ZNF536: variants seen among roughly 807,000 people sequenced by gnomAD.
The protein encoded by ZNF536 is zinc finger protein 536.
In ZNF536, 13 loss-of-function variants were observed where a neutral mutation model predicts 84.5. That is an observed-to-expected ratio of 0.15 (90% confidence interval 0.10 to 0.24). ZNF536 has a LOEUF of 0.24. Among genes scored for constraint, ZNF536 ranks in the 10% least tolerant of loss-of-function variants. The pLI is 1.00. For missense variants in ZNF536, 1,536 were observed against 1,747.5 expected, an observed-to-expected ratio of 0.88 and a Z score of 2.16; for synonymous variants, 811 against 742.5, an observed-to-expected ratio of 1.09 and a Z score of -1.50.
At chr19:30,560,769 T>A (rs1422979358), downstream of ZNF536, among the ~76,000 whole-genome samples, 1 of 152,232 alleles carries the variant, frequency 6.6e-6, no homozygotes, top group Non-Finnish European at 1.5e-5. Flanking sequence ...AGAAAAAGAA[T>A]CTAAATGTTG....
chr19:30,562,412 G>C (rs2046203906), downstream of ZNF536, among the ~76,000 whole-genome samples: 1 of 152,188 alleles, frequency 6.6e-6, no homozygotes, highest in Non-Finnish European at 1.5e-5. Context: ...TAAATTAGAA[G>C]AAGACCATTG....
intron 2 of ZNF536, among the ~76,000 whole-genome samples, chr19:30,488,986 G>C (rs1244982384): frequency 6.6e-6 from 1 of 152,158 alleles, no homozygotes; most frequent in Non-Finnish European, 1.5e-5. Context: ...GAGGTTTCTT[G>C]ACAAATAGAT....
intron 1 of ZNF536, among the ~76,000 whole-genome samples, chr19:30,379,538 C>A (rs1419721466): frequency 1.3e-5 from 2 of 151,010 alleles, no homozygotes; most frequent in African/African-American, 2.4e-5. Flanking sequence ...ATCATCGTTG[C>A]CAGGAGATCT....
intron 1 of ZNF536, among the ~76,000 whole-genome samples, chr19:30,431,478 C>T (rs141317951): frequency 1.3e-3 from 198 of 152,316 alleles, no homozygotes; most frequent in African/African-American, 4.7e-3. Context: ...GAGCTTATGT[C>T]TTCGACAGGT....
chr19:30,377,461 G>A (rs1381651278), intron 1 of ZNF536, among the ~76,000 whole-genome samples: 1 of 152,166 alleles, frequency 6.6e-6, no homozygotes, highest in Non-Finnish European at 1.5e-5. Flanking sequence ...TTCAGGGCGA[G>A]TCCGCAGTTC....
intron 1 of ZNF536, among the ~76,000 whole-genome samples, chr19:30,643,424 C>T (rs2049338223): frequency 6.6e-6 from 1 of 152,176 alleles, no homozygotes; most frequent in African/African-American, 2.4e-5. Context: ...ATACAAGTAT[C>T]AGTAATTATT....
At chr19:30,356,717 CTA>C (rs1436692268) in intron 3 of ZNF536, among the ~76,000 whole-genome samples, 1 of 152,226 alleles carries the variant, frequency 6.6e-6, no homozygotes, top group Non-Finnish European at 1.5e-5. Flanking sequence ...AATTTTAACT[CTA>C]GAGAGAAGAT....
chr19:30,446,472 A>T (rs79775389), intron 2 of ZNF536, among the ~76,000 whole-genome samples: 127 of 151,938 alleles, frequency 8.4e-4, no homozygotes, highest in Non-Finnish European at 1.4e-3. Context: ...TAAGTTCCAA[A>T]CTTCACCATC....
chr19:30,375,628 C>T (rs546089475), intron 1 of ZNF536, among the ~76,000 whole-genome samples: 4 of 152,326 alleles, frequency 2.6e-5, no homozygotes, highest in East Asian at 1.9e-4. Context: ...GGCAGGTGTC[C>T]GCTTGTGCGC....
chr19:30,499,325 G>A (rs150205161), intron 2 of ZNF536, among the ~76,000 whole-genome samples: 16 of 152,182 alleles, frequency 1.1e-4, no homozygotes, highest in African/African-American at 3.4e-4. Context: ...AAGTATGAAT[G>A]TACATATGTA....
intron 2 of ZNF536, among the ~76,000 whole-genome samples, chr19:30,340,298 C>T (rs1221053382): frequency 6.6e-6 from 1 of 152,154 alleles, no homozygotes; most frequent in Admixed American, 6.5e-5. Flanking sequence ...GAGGTGGTTT[C>T]AGGGGACAAG....
At chr19:30,518,878 A>G (rs2044201012) in intron 2 of ZNF536, among the ~76,000 whole-genome samples, 1 of 152,040 alleles carries the variant, frequency 6.6e-6, no homozygotes, top group South Asian at 2.1e-4. Context: ...GGGTGCAGGG[A>G]TGGGGGAGCT....
intron 1 of ZNF536, among the ~76,000 whole-genome samples, chr19:30,389,115 TG>T (rs1226306498): frequency 2.6e-5 from 4 of 152,220 alleles, no homozygotes; most frequent in African/African-American, 9.6e-5. Context: ...TTCCTTTCCT[TG>T]GGTGTGGGAC....
chr19:30,590,652 G>A (rs1482785042), intron 1 of ZNF536, among the ~76,000 whole-genome samples: 3 of 152,194 alleles, frequency 2.0e-5, no homozygotes, highest in Non-Finnish European at 4.4e-5. Flanking sequence ...AGTTCCAGGA[G>A]GAGTGGAGAT....
At chr19:30,637,411 TAATA>T (rs2049106769) in intron 1 of ZNF536, among the ~76,000 whole-genome samples, 1 of 152,226 alleles carries the variant, frequency 6.6e-6, no homozygotes, top group Admixed American at 6.5e-5. Context: ...GGAGGGCTGG[TAATA>T]ACATCACACC....
At chr19:30,460,318 A>G (rs974224703) in intron 2 of ZNF536, among the ~76,000 whole-genome samples, 5 of 152,162 alleles carry the variant, frequency 3.3e-5, no homozygotes, top group African/African-American at 1.2e-4. Flanking sequence ...AGAGATTCAG[A>G]CGGAGGAGGA....
intron 1 of ZNF536, among the ~76,000 whole-genome samples, chr19:30,273,706 C>T (rs1044789700): frequency 3.3e-5 from 5 of 152,152 alleles, no homozygotes; most frequent in African/African-American, 1.2e-4. Context: ...TTCTCTTAAC[C>T]CTTTCTCTTC....
At chr19:30,433,265 A>G (rs904334362) in intron 1 of ZNF536, among the ~76,000 whole-genome samples, 3 of 152,166 alleles carry the variant, frequency 2.0e-5, no homozygotes, top group Non-Finnish European at 2.9e-5. Flanking sequence ...CACTGTGACC[A>G]GCATGCTGAA....
chr19:30,496,826 T>C (rs1194080838), intron 2 of ZNF536, among the ~76,000 whole-genome samples: 1 of 152,062 alleles, frequency 6.6e-6, no homozygotes, highest in African/African-American at 2.4e-5. Context: ...CTTTTTTTAA[T>C]GATAAGCTAG....
Sources: allele counts gnomAD v4.1 joint callset (sites outside exome capture counted in the v4.1 genomes callset), GRCh38; gene constraint gnomAD v4.1.1; transcripts MANE v1.5; gene names NCBI Gene and HGNC (gene_info 2026-07-23, HGNC 2026-07-21).